The following AGMO variants were observed in gnomAD, a reference collection of about 807,000 sequenced individuals.
AGMO encodes the protein glyceryl-ether monooxygenase.
AGMO carries 75 observed loss-of-function variants against 60.2 expected under a neutral mutation model. The ratio of observed to expected loss-of-function variants is 1.25; its 90% CI spans 1.03 to 1.51. The LOEUF is 1.51. AGMO is among the 40% of genes most tolerant of loss of function. AGMO has a pLI of 0.00. For synonymous variants in AGMO, 261 were observed against 177.1 expected (o/e 1.47, Z -3.76); for missense variants, 763 against 525.5 (o/e 1.45, Z -4.42).
chr7:15,495,476 A>T (rs545885142), intron 3 of AGMO, among the ~76,000 whole-genome samples: 1 of 152,286 alleles, frequency 6.6e-6, no homozygotes, highest in East Asian at 1.9e-4. Context: ...CAGTTCATAC[A>T]TCACTTCTCT....
At chr7:15,124,968 G>C in the AGMO span, among the ~76,000 whole-genome samples, 2 of 151,976 alleles carry the variant, frequency 1.3e-5, no homozygotes, top group South Asian at 2.1e-4. Flanking sequence ...ACAAAAGAGA[G>C]TTTGGTAAAT....
chr7:15,138,245 C>A, the AGMO span, among the ~76,000 whole-genome samples: 1 of 152,148 alleles, frequency 6.6e-6, no homozygotes. Flanking sequence ...AGACAGAGCA[C>A]TTTGTTTTAT....
chr7:15,338,470 A>T (rs943622486), intron 12 of AGMO, among the ~76,000 whole-genome samples: 1 of 131,596 alleles, frequency 7.6e-6, no homozygotes, highest in Non-Finnish European at 1.6e-5. Context: ...CTCTGATCTT[A>T]TTTAATTTAA....
the AGMO span, among the ~76,000 whole-genome samples, chr7:15,175,563 GTA>G: frequency 6.6e-6 from 1 of 151,658 alleles, no homozygotes; most frequent in African/African-American, 2.4e-5. Flanking sequence ...TCCTATCTGT[GTA>G]AGGTCTAATC....
chr7:15,334,918 T>G (rs746604685), intron 12 of AGMO, among the ~76,000 whole-genome samples: 2 of 152,252 alleles, frequency 1.3e-5, no homozygotes, highest in South Asian at 4.1e-4. Flanking sequence ...ATAAGAGCTG[T>G]CCGAGAGCCT....
chr7:15,203,301 G>C (rs927208167), intron 12 of AGMO, among the ~76,000 whole-genome samples: 2 of 151,984 alleles, frequency 1.3e-5, no homozygotes, highest in African/African-American at 4.8e-5. Flanking sequence ...TACAAGTCTA[G>C]TTATGCCTTG....
At chr7:15,127,550 A>T in the AGMO span, among the ~76,000 whole-genome samples, 1 of 152,104 alleles carries the variant, frequency 6.6e-6, no homozygotes, top group African/African-American at 2.4e-5. Flanking sequence ...CAAATTAATG[A>T]CTGTCTCCTT....
intron 12 of AGMO, among the ~76,000 whole-genome samples, chr7:15,212,927 C>T (rs1265967883): frequency 6.6e-6 from 1 of 151,906 alleles, no homozygotes; most frequent in African/African-American, 2.4e-5. Context: ...GTGCAAACAT[C>T]AACAAACGTC....
intron 12 of AGMO, among the ~76,000 whole-genome samples, chr7:15,343,961 C>T (rs796199272): frequency 1.1e-4 from 16 of 152,204 alleles, no homozygotes; most frequent in African/African-American, 3.6e-4. Context: ...ATAATATTTT[C>T]CTTTAACTAT....
At chr7:15,247,346 A>G (rs1234121260) in intron 12 of AGMO, among the ~76,000 whole-genome samples, 2 of 151,962 alleles carry the variant, frequency 1.3e-5, no homozygotes, top group African/African-American at 4.8e-5. Context: ...CTGAAAAGAT[A>G]AAATATGATA....
At chr7:15,192,277 G>A in the AGMO span, among the ~76,000 whole-genome samples, 6 of 147,362 alleles carry the variant, frequency 4.1e-5, no homozygotes, top group African/African-American at 1.5e-4. Flanking sequence ...CCCACATCCT[G>A]TACCCATAAA....
chr7:15,505,423 A>G (rs2128527358), intron 3 of AGMO, among the ~76,000 whole-genome samples: 1 of 152,132 alleles, frequency 6.6e-6, no homozygotes, highest in Non-Finnish European at 1.5e-5. Context: ...GAGAATTTAG[A>G]GAAATCTGTG....
intron 5 of AGMO, among the ~76,000 whole-genome samples, chr7:15,418,320 T>C (rs1236022358): frequency 6.6e-6 from 1 of 152,068 alleles, no homozygotes; most frequent in Non-Finnish European, 1.5e-5. Flanking sequence ...ATTAAAATGT[T>C]TTGGCACTTA....
At chr7:15,504,605 G>A (rs1486173958) in intron 3 of AGMO, among the ~76,000 whole-genome samples, 1 of 151,846 alleles carries the variant, frequency 6.6e-6, no homozygotes, top group Non-Finnish European at 1.5e-5. Context: ...TGAACTTCCG[G>A]AGGAATTGCT....
intron 3 of AGMO, among the ~76,000 whole-genome samples, chr7:15,448,282 C>T (rs1004397498): frequency 9.9e-5 from 15 of 152,094 alleles, no homozygotes; most frequent in South Asian, 8.3e-4. Context: ...GCTTAGGGAA[C>T]GGGATTAGTG....
chr7:15,481,087 ATCACCACAGAAC>A (rs1481903538), intron 3 of AGMO, among the ~76,000 whole-genome samples: 1 of 151,038 alleles, frequency 6.6e-6, no homozygotes, highest in Admixed American at 6.6e-5. Flanking sequence ...ATGTCAACAT[ATCACCACAGAAC>A]TGTGGGCTGA....
chr7:15,249,747 A>C (rs542593422), intron 12 of AGMO, among the ~76,000 whole-genome samples: 40 of 152,258 alleles, frequency 2.6e-4, no homozygotes, highest in Non-Finnish European at 4.9e-4. Flanking sequence ...CTATTTCCCC[A>C]AATTTTCTAG....
At chr7:15,275,186 C>G (rs957781753) in intron 12 of AGMO, among the ~76,000 whole-genome samples, 1 of 152,054 alleles carries the variant, frequency 6.6e-6, no homozygotes, top group Non-Finnish European at 1.5e-5. Flanking sequence ...GCATTTAACA[C>G]AATAACCTTT....
At chr7:15,418,685 G>A (rs1780848538) in intron 4 of AGMO, 32 bp from the exon 5 acceptor site, 1 of 1,320,070 alleles carries the variant, frequency 7.6e-7, no homozygotes, top group Non-Finnish European at 1.1e-6. Flanking sequence ...AAATTAATTT[G>A]CATATATGAA....
Sources: gnomAD v4.1 joint callset for allele counts (sites outside exome capture counted in the v4.1 genomes callset) on GRCh38, gnomAD v4.1.1 for gene constraint, MANE v1.5 for transcripts, NCBI Gene and HGNC (gene_info 2026-07-23, HGNC 2026-07-21) for gene names.